GPC6: variants seen among roughly 807,000 people sequenced by gnomAD.
GPC6 encodes the protein glypican-6.
Under a neutral mutation model 55.2 loss-of-function variants are expected in GPC6, and 14 were observed. That is an observed-to-expected ratio of 0.25 (90% CI 0.17 to 0.40). The LOEUF is 0.40. Among genes scored for constraint, GPC6 ranks in the 10% least tolerant of loss-of-function variants. The pLI, the probability that GPC6 is intolerant of heterozygous loss-of-function variation, is 1.00. For missense variants in GPC6, 641 were observed against 708.5 expected (o/e 0.90, Z 1.08); for synonymous variants, 278 against 259.6 (o/e 1.07, Z -0.68).
intron 1 of GPC6, among the ~76,000 whole-genome samples, chr13:93,501,506 G>A (rs2062888772): frequency 6.6e-6 from 1 of 152,132 alleles, no homozygotes; most frequent in South Asian, 2.1e-4. Context: ...ATAAAAATGA[G>A]TAATAGTTTT....
chr13:93,568,921 C>A (rs571645519), intron 2 of GPC6, among the ~76,000 whole-genome samples: 2 of 152,216 alleles, frequency 1.3e-5, no homozygotes, highest in East Asian at 3.9e-4. Flanking sequence ...TGCATCCCAG[C>A]CTACTTATTG....
intron 3 of GPC6, among the ~76,000 whole-genome samples, chr13:93,954,670 A>G (rs1351884278): frequency 6.6e-6 from 1 of 152,166 alleles, no homozygotes; most frequent in Non-Finnish European, 1.5e-5. Flanking sequence ...TGTCCTGTGG[A>G]ACACTTGCAT....
chr13:93,809,331 G>T (rs549078856), intron 2 of GPC6, among the ~76,000 whole-genome samples: 33 of 152,246 alleles, frequency 2.2e-4, no homozygotes, highest in African/African-American at 7.7e-4. Context: ...TGATTAGTGG[G>T]TTAATTTTCT....
At chr13:93,324,587 C>CATATATATATAT (rs34871661) in intron 1 of GPC6, among the ~76,000 whole-genome samples, 2,987 of 122,508 alleles carry the variant, frequency 0.024, 56 homozygotes, top group East Asian at 0.13. Context: ...CACATACATA[C>CATATATATATAT]ATATATATAT....
intron 2 of GPC6, among the ~76,000 whole-genome samples, chr13:93,577,156 T>A (rs2139483129): frequency 6.6e-6 from 1 of 152,142 alleles, no homozygotes; most frequent in African/African-American, 2.4e-5. Context: ...TACACAAAAG[T>A]TATGGGGAGC....
chr13:94,269,823 A>G (rs1049066334), intron 4 of GPC6, among the ~76,000 whole-genome samples: 2 of 152,150 alleles, frequency 1.3e-5, no homozygotes, highest in Non-Finnish European at 2.9e-5. Context: ...CAAACTAGTC[A>G]TAGATTCATA....
intron 6 of GPC6, among the ~76,000 whole-genome samples, chr13:94,339,355 C>T (rs1877896923): frequency 6.6e-6 from 1 of 152,166 alleles, no homozygotes; most frequent in African/African-American, 2.4e-5. Flanking sequence ...TGAGCCATCG[C>T]ACCCGGCCTA....
At chr13:93,913,789 G>A (rs945492266) in intron 3 of GPC6, among the ~76,000 whole-genome samples, 9 of 152,236 alleles carry the variant, frequency 5.9e-5, no homozygotes, top group African/African-American at 2.2e-4. Context: ...CACTATCGAA[G>A]GATTAACATT....
At chr13:93,720,033 C>A (rs1016880829) in intron 2 of GPC6, among the ~76,000 whole-genome samples, 6 of 151,826 alleles carry the variant, frequency 4.0e-5, no homozygotes, top group Non-Finnish European at 8.8e-5. Context: ...GATATATTGG[C>A]CTGAAATTTT....
At chr13:94,241,323 A>G (rs1253174882) in intron 4 of GPC6, among the ~76,000 whole-genome samples, 6 of 152,164 alleles carry the variant, frequency 3.9e-5, no homozygotes, top group Non-Finnish European at 5.9e-5. Context: ...TGAACTGACT[A>G]AGACACTATG....
chr13:93,673,951 T>C (rs1361279680), intron 2 of GPC6, among the ~76,000 whole-genome samples: 2 of 152,098 alleles, frequency 1.3e-5, no homozygotes, highest in African/African-American at 4.8e-5. Flanking sequence ...ATCCTTGCAT[T>C]TCAGTTTTCC....
intron 4 of GPC6, among the ~76,000 whole-genome samples, chr13:94,070,393 G>A (rs927866480): frequency 1.3e-5 from 2 of 152,148 alleles, no homozygotes; most frequent in African/African-American, 4.8e-5. Flanking sequence ...ATGTCTAAAT[G>A]CAGAGAACTC....
intron 4 of GPC6, among the ~76,000 whole-genome samples, chr13:94,072,867 C>G (rs578164858): frequency 1.3e-5 from 2 of 152,046 alleles, no homozygotes; most frequent in Non-Finnish European, 2.9e-5. Context: ...GTGATGCCCA[C>G]GGCCTTGCAG....
chr13:94,040,776 G>A (rs539184812), intron 4 of GPC6, among the ~76,000 whole-genome samples: 125 of 151,800 alleles, frequency 8.2e-4, no homozygotes, highest in Non-Finnish European at 1.3e-3. Context: ...TAGGAGTCTT[G>A]GGTTTTGAGA....
chr13:94,278,188 C>G (rs1038551366), intron 4 of GPC6, among the ~76,000 whole-genome samples: 2 of 152,106 alleles, frequency 1.3e-5, no homozygotes, highest in African/African-American at 4.8e-5. Context: ...ATTTTATTCT[C>G]TTTGTAGCAA....
intron 3 of GPC6, among the ~76,000 whole-genome samples, chr13:93,957,940 T>A (rs566177578): frequency 1.2e-4 from 18 of 152,356 alleles, no homozygotes; most frequent in Middle Eastern, 3.4e-3. Flanking sequence ...ATTGTGGTTT[T>A]GATTTGCATT....
At chr13:93,369,829 C>T (rs1031938140) in intron 1 of GPC6, among the ~76,000 whole-genome samples, 1 of 152,082 alleles carries the variant, frequency 6.6e-6, no homozygotes, top group South Asian at 2.1e-4. Flanking sequence ...ATATTTCCAG[C>T]TTTAAAATTA....
At chr13:94,284,731 G>T (rs1360381995) in intron 4 of GPC6, among the ~76,000 whole-genome samples, 2 of 151,784 alleles carry the variant, frequency 1.3e-5, no homozygotes, top group African/African-American at 4.8e-5. Context: ...GTGTTTTTTA[G>T]TAAAAGGAAT....
chr13:93,744,876 T>G (rs973676497), intron 2 of GPC6, among the ~76,000 whole-genome samples: 2 of 151,598 alleles, frequency 1.3e-5, no homozygotes, highest in Non-Finnish European at 2.9e-5. Context: ...AAGGATGCAG[T>G]GAGCCAAGAT....
Sources: gnomAD v4.1 joint callset for allele counts (sites outside exome capture counted in the v4.1 genomes callset) on GRCh38, gnomAD v4.1.1 for gene constraint, MANE v1.5 for transcripts, NCBI Gene and HGNC (gene_info 2026-07-23, HGNC 2026-07-21) for gene names.